SNAP25: variants seen among roughly 807,000 people sequenced by gnomAD.
SNAP25 encodes synaptosome associated protein 25.
A neutral mutation model predicts 28.7 loss-of-function variants in SNAP25; 3 were observed. That is an observed-to-expected ratio of 0.10 (90% CI 0.05 to 0.27). The LOEUF (loss-of-function observed/expected upper bound fraction) is 0.27, where lower values mean the gene tolerates loss of function less well. SNAP25 is among the 10% of genes least tolerant of loss of function. SNAP25 has a pLI of 1.00. For synonymous variants in SNAP25, 61 were observed against 88.1 expected (o/e 0.69, Z 1.72); for missense variants, 117 against 278.7 (o/e 0.42, Z 4.13).
In SNAP25 at chr20:10,293,046, CTT is replaced by C. The variant is rs746018453; in HGVS notation, c.164-103_164-102del. On this transcript the variant is annotated intron_variant, in intron 4 of 7. Transcript: ENST00000254976. This position sits in a 1 kb window ranked among gnomAD's most constrained non-coding sequence, Gnocchi z 5.6. ...TAATCTGTGGCGTCCAGTTTTCTTT[CTT>C]TTTTTTTTTTTCTTTTTTAATGTCA... 600 of 1,113,066 alleles carry C rather than the reference CTT, an allele frequency of 5.4e-4. No homozygotes were observed. Among genetic ancestry groups the C allele is most frequent in the Non-Finnish European group, 5.8e-4 (470 of 806,148 alleles). The allele number at this position is 1,113,066 out of a possible 1,614,324, so 68.9% of individuals were successfully genotyped here.
chr20:10,258,809 G>A (rs1489305309), intron 1 of SNAP25, among the ~76,000 whole-genome samples: 1 of 152,118 alleles, frequency 6.6e-6, no homozygotes, highest in African/African-American at 2.4e-5. Flanking sequence ...ATCATCATGT[G>A]GAGCTCTTCT....
chr20:10,237,905 A>G (rs1241996298), intron 1 of SNAP25, among the ~76,000 whole-genome samples: 1 of 152,028 alleles, frequency 6.6e-6, no homozygotes, highest in Non-Finnish European at 1.5e-5. Context: ...CAGCCCCCAT[A>G]CCACCATTTC....
At chr20:10,272,811 C>A (rs1457271315) in intron 1 of SNAP25, among the ~76,000 whole-genome samples, 2 of 151,980 alleles carry the variant, frequency 1.3e-5, no homozygotes, top group African/African-American at 2.4e-5. Flanking sequence ...ATAAGGCAAC[C>A]CTGAAGTTTT....
At chr20:10,273,787 C>T (rs1225028724) in intron 1 of SNAP25, among the ~76,000 whole-genome samples, 2 of 152,162 alleles carry the variant, frequency 1.3e-5, no homozygotes, top group African/African-American at 4.8e-5. Context: ...CACAGTTGAC[C>T]ATCTCCGCTA....
rs546494405 is a variant in SNAP25, at chr20:10,270,024, C to T, written c.-63-5405C>T. ...ATCCCAGCACTTTGGGAGGCCGAGG[C>T]GGGCGGATCACCTGAGGTCAGGAGT... is the stretch of plus-strand genomic sequence containing the variant. On this transcript the variant is annotated intron_variant, in intron 1 of 7. Coordinates refer to ENST00000254976, the MANE Select transcript of SNAP25 (RefSeq NM_130811.4). Among the ~76,000 whole-genome samples, 11 of 152,080 alleles carry T rather than the reference C, an allele frequency of 7.2e-5. No homozygotes were observed. In the East Asian group the frequency reaches 1.2e-3, roughly 16 times the overall value.
chr20:10,275,413 A>G lies in SNAP25; in HGVS notation c.-63-16A>G. On this transcript the variant is annotated splice_polypyrimidine_tract_variant and intron_variant, in intron 1 of 7. Coordinates refer to ENST00000254976, the MANE Select transcript of SNAP25 (RefSeq NM_130811.4). ...CATATATAAGCTCTCATATTTTCAT[A>G]TCTACTTCTTCCCAGGTCCAGAGCC... 3 of 1,296,672 alleles carry G rather than the reference A, an allele frequency of 2.3e-6. No homozygotes were observed. Among genetic ancestry groups the G allele is most frequent in the Non-Finnish European group, 3.2e-6 (3 of 934,858 alleles). 80.3% of individuals were successfully genotyped at this position (1,296,672 alleles called of 1,614,324 possible). A position where few individuals can be genotyped will look rare whatever the true frequency, so the allele number is the denominator to read the frequency against.
intron 1 of SNAP25, among the ~76,000 whole-genome samples, chr20:10,265,435 T>C (rs989190742): frequency 2.0e-5 from 3 of 152,202 alleles, no homozygotes; most frequent in Non-Finnish European, 4.4e-5. Flanking sequence ...CCACAGAGTC[T>C]CCAATGCACA....
intron 1 of SNAP25, among the ~76,000 whole-genome samples, chr20:10,225,305 A>G (rs2062716528): frequency 6.6e-6 from 1 of 152,044 alleles, no homozygotes; most frequent in South Asian, 2.1e-4. Flanking sequence ...AAGGTAAAAC[A>G]TGGTATCACA....
chr20:10,229,205 T>C (rs941852252), intron 1 of SNAP25, among the ~76,000 whole-genome samples: 4 of 152,188 alleles, frequency 2.6e-5, no homozygotes, highest in African/African-American at 9.7e-5. Flanking sequence ...TAGTGAACCA[T>C]TACTGAAGCT....
At chr20:10,226,888 T>A (rs117226007) in intron 1 of SNAP25, among the ~76,000 whole-genome samples, 1,788 of 152,102 alleles carry the variant, frequency 0.012, 18 homozygotes, top group Non-Finnish European at 0.017. Flanking sequence ...TCTGTTGGGA[T>A]CTCTCCCTGT....
chr20:10,280,962 G>T (rs559971601), intron 3 of SNAP25, among the ~76,000 whole-genome samples: 151 of 152,272 alleles, frequency 9.9e-4, no homozygotes, highest in African/African-American at 3.3e-3. Flanking sequence ...TGGAGAGAGT[G>T]CCTGGAGTGT....
chr20:10,263,540 C>A (rs1027201324), intron 1 of SNAP25, among the ~76,000 whole-genome samples: 1 of 152,176 alleles, frequency 6.6e-6, no homozygotes, highest in African/African-American at 2.4e-5. Context: ...TGGGGTCTTT[C>A]TGTTTGGTCT....
chr20:10,294,280 A>G (rs1020309710), intron 5 of SNAP25, among the ~76,000 whole-genome samples: 1 of 152,166 alleles, frequency 6.6e-6, no homozygotes, highest in African/African-American at 2.4e-5. Flanking sequence ...GACCATTCAC[A>G]TCCTTTAAAC....
At chr20:10,272,485 G>A (rs535034997) in intron 1 of SNAP25, among the ~76,000 whole-genome samples, 13 of 152,180 alleles carry the variant, frequency 8.5e-5, no homozygotes, top group Admixed American at 6.5e-4. Context: ...GTAGATCCCC[G>A]GTCACTTGGG....
intron 1 of SNAP25, among the ~76,000 whole-genome samples, chr20:10,271,528 C>T (rs1181033422): frequency 6.6e-6 from 1 of 152,300 alleles, no homozygotes; most frequent in East Asian, 1.9e-4. Context: ...CTGGGGGAAC[C>T]GTGAAAGTGA....
chr20:10,254,094 A>G (rs774644771), intron 1 of SNAP25, among the ~76,000 whole-genome samples: 1 of 152,196 alleles, frequency 6.6e-6, no homozygotes, highest in African/African-American at 2.4e-5. Flanking sequence ...TGGGTCTCCT[A>G]TGAGATCCCT....
chr20:10,238,787 C>T (rs1013484807), intron 1 of SNAP25, among the ~76,000 whole-genome samples: 8 of 152,098 alleles, frequency 5.3e-5, no homozygotes, highest in African/African-American at 1.4e-4. Flanking sequence ...CATCTGTAAT[C>T]TCAGCTACTC....
intron 1 of SNAP25, among the ~76,000 whole-genome samples, chr20:10,224,287 T>TTTTTTG: frequency 1.5e-5 from 2 of 135,946 alleles, no homozygotes; most frequent in African/African-American, 2.9e-5. Flanking sequence ...TTTTTTTTTT[T>TTTTTTG]TTTTTGCAGT....
chr20:10,222,065 T>A (rs1022779761), intron 1 of SNAP25, among the ~76,000 whole-genome samples: 15 of 152,256 alleles, frequency 9.9e-5, no homozygotes, highest in Non-Finnish European at 2.2e-4. Flanking sequence ...ATGTCATCCC[T>A]TGTCAGCAAG....
Sources: gnomAD v4.1 joint callset for allele counts (sites outside exome capture counted in the v4.1 genomes callset) on GRCh38, gnomAD v4.1.1 for gene constraint, Gnocchi (gnomAD v3.1) non-coding constraint, MANE v1.5 for transcripts, NCBI Gene and HGNC (gene_info 2026-07-23, HGNC 2026-07-21) for gene names.